The following TANC2 variants were observed in gnomAD, a reference collection of about 807,000 sequenced individuals.
The protein encoded by TANC2 is tetratricopeptide repeat, ankyrin repeat and coiled-coil containing 2.
In TANC2, 26 loss-of-function variants were observed where a neutral mutation model predicts 210.5. The ratio of observed to expected loss-of-function variants is 0.12; its 90% CI spans 0.09 to 0.17. The LOEUF is 0.17. TANC2 is among the 10% of genes least tolerant of loss of function. The probability of loss-of-function intolerance (pLI) is 1.00; values close to 1 mark genes in which losing one functional copy is unlikely to be tolerated. For missense variants in TANC2, 2,129 were observed against 2,608.9 expected (o/e 0.82, Z 4.01); for synonymous variants, 931 against 967.1 (o/e 0.96, Z 0.69).
At chr17:63,406,084 G>A (rs1172314103) in intron 20 of TANC2, 70 bp from the exon 21 acceptor site, 1 of 1,588,772 alleles carries the variant, frequency 6.3e-7, no homozygotes, top group Non-Finnish European at 8.6e-7. Context: ...CAGAGTAAGA[G>A]ATAGTGTGCA....
chr17:63,362,969 C>G (rs1353100763), intron 14 of TANC2, among the ~76,000 whole-genome samples: 1 of 152,220 alleles, frequency 6.6e-6, no homozygotes, highest in African/African-American at 2.4e-5. Flanking sequence ...ATTGATTGCA[C>G]TAATTTACAT....
chr17:63,298,278 A>G (rs978322050), intron 9 of TANC2, among the ~76,000 whole-genome samples: 14 of 152,234 alleles, frequency 9.2e-5, no homozygotes, highest in South Asian at 6.2e-4. Flanking sequence ...TATTTGTAGT[A>G]GCCAAAGGTA....
intron 2 of TANC2, among the ~76,000 whole-genome samples, chr17:63,030,647 A>G (rs918127157): frequency 2.1e-5 from 3 of 144,784 alleles, no homozygotes; most frequent in African/African-American, 7.8e-5. Flanking sequence ...AACCTTTCTT[A>G]AGCCAATTAA....
intron 10 of TANC2, among the ~76,000 whole-genome samples, chr17:63,316,585 T>G (rs1395846005): frequency 6.6e-6 from 1 of 152,200 alleles, no homozygotes; most frequent in African/African-American, 2.4e-5. Flanking sequence ...ATTCATGAGA[T>G]AAACATCCGT....
chr17:63,090,937 T>C (rs2037163769), intron 3 of TANC2, among the ~76,000 whole-genome samples: 1 of 152,244 alleles, frequency 6.6e-6, no homozygotes, highest in African/African-American at 2.4e-5. Flanking sequence ...GTGGTTTTGA[T>C]TTGCATTTCT....
exon 28 of TANC2, chr17:63,422,051 G>A: frequency 6.9e-7 from 1 of 1,448,838 alleles, no homozygotes; most frequent in Non-Finnish European, 9.3e-7. Flanking sequence ...AATTTCTCAT[G>A]TAGTTTCTGT....
chr17:63,279,422 G>T, intron 9 of TANC2, among the ~76,000 whole-genome samples: 1 of 147,390 alleles, frequency 6.8e-6, no homozygotes, highest in South Asian at 2.1e-4. Flanking sequence ...ATTTGCAAAA[G>T]GTCACAGAGT....
intron 4 of TANC2, among the ~76,000 whole-genome samples, chr17:63,104,717 T>C (rs140297922): frequency 6.6e-6 from 1 of 152,200 alleles, no homozygotes; most frequent in Non-Finnish European, 1.5e-5. Context: ...CCTAGAGAGA[T>C]AACTCTTACT....
At position 63,420,591 on chromosome 17, in the gene TANC2, C is replaced by T. The variant is rs367973706; in HGVS notation, c.4861C>T (p.Arg1621Trp). 25 of 1,613,748 alleles carry T rather than the reference C, an allele frequency of 1.5e-5. No homozygotes were observed. The highest frequency in any genetic ancestry group is 8.3e-5 in the Admixed American group (5 of 59,980). Residue 1621 changes from arginine to tryptophan, a missense_variant, in exon 28 of 28, where the codon CGG becomes TGG. Arg to Trp is a moderately radical substitution (Grantham distance 101, BLOSUM62 -3). This residue lies in a region of TANC2 where 584 missense variants were observed against 627.3 expected (regional missense o/e 0.93). Coordinates refer to ENST00000689528, the Ensembl canonical transcript of TANC2. This position sits in a 1 kb window ranked among gnomAD's most constrained non-coding sequence, Gnocchi z 4.2. ...CCCAAGCCCTCCCCCTTCCCCTCTC[C>T]GGAGAGGCCCTCAGTATCGGGCCAG...
intron 15 of TANC2, 104 bp from the exon 16 acceptor site, chr17:63,388,531 C>T (rs566287192): frequency 2.6e-5 from 31 of 1,201,672 alleles, no homozygotes; most frequent in South Asian, 3.1e-5. Context: ...GGTGAGACTC[C>T]GCTCTCATTC....
intron 13 of TANC2, among the ~76,000 whole-genome samples, chr17:63,353,337 A>T (rs1453965125): frequency 6.6e-6 from 1 of 152,166 alleles, no homozygotes; most frequent in Admixed American, 6.6e-5. Flanking sequence ...TGGGTGAATG[A>T]TGATTTGAGG....
chr17:63,410,860 CAAAAAAAAAAAAAAAAAAA>C (rs34268418), intron 21 of TANC2, among the ~76,000 whole-genome samples: 2 of 38,994 alleles, frequency 5.1e-5, no homozygotes, highest in Non-Finnish European at 8.7e-5. Flanking sequence ...GACTCCATCT[CAAAAAAAAAAAAAAAAAAA>C]AAAAAAAAAA....
chr17:63,401,830 T>TA (rs965893072), intron 19 of TANC2, among the ~76,000 whole-genome samples: 1 of 152,124 alleles, frequency 6.6e-6, no homozygotes, highest in Non-Finnish European at 1.5e-5. Context: ...ACCCTGGAAA[T>TA]ACATGGCCCC....
At chr17:63,043,245 T>C (rs1046262484) in intron 2 of TANC2, among the ~76,000 whole-genome samples, 2 of 152,086 alleles carry the variant, frequency 1.3e-5, no homozygotes, top group Admixed American at 6.6e-5. Context: ...AGTGTAAATA[T>C]GTTATTGCCA....
chr17:63,292,320 A>T (rs2044406911), intron 9 of TANC2, among the ~76,000 whole-genome samples: 1 of 152,234 alleles, frequency 6.6e-6, no homozygotes, highest in South Asian at 2.1e-4. Flanking sequence ...AGGAGAAGAC[A>T]AGAAAAGAAC....
At chr17:63,359,346 GC>G (rs1049047733) in intron 14 of TANC2, among the ~76,000 whole-genome samples, 4 of 140,598 alleles carry the variant, frequency 2.8e-5, no homozygotes, top group Non-Finnish European at 5.9e-5. Flanking sequence ...TACTGCACCA[GC>G]ATTTTTTTTT....
chr17:63,320,613 T>G (rs1384728159), intron 11 of TANC2: 1 of 152,214 alleles, frequency 6.6e-6, no homozygotes, highest in Non-Finnish European at 1.5e-5. Context: ...TAAAAATTAT[T>G]TTTTCTCAAT....
At chr17:63,055,078 T>C (rs1458202371) in intron 2 of TANC2, among the ~76,000 whole-genome samples, 1 of 152,260 alleles carries the variant, frequency 6.6e-6, no homozygotes, top group African/African-American at 2.4e-5. Flanking sequence ...TTGAGAGGAA[T>C]AGTCACCCAG....
At chr17:63,102,747 A>G (rs945323841) in intron 4 of TANC2, among the ~76,000 whole-genome samples, 3 of 152,186 alleles carry the variant, frequency 2.0e-5, no homozygotes, top group African/African-American at 7.2e-5. Context: ...TCTTGTTGGC[A>G]TGTATGTAGA....
Sources: allele counts gnomAD v4.1 joint callset (sites outside exome capture counted in the v4.1 genomes callset), GRCh38; gene constraint gnomAD v4.1.1; regional missense constraint gnomAD v4.1.1; non-coding constraint Gnocchi (gnomAD v3.1); transcripts MANE v1.5; gene names NCBI Gene and HGNC (gene_info 2026-07-23, HGNC 2026-07-21).